The following PKNOX2 variants were observed in gnomAD, a reference collection of about 807,000 sequenced individuals.
PKNOX2 encodes the protein homeobox protein PKNOX2.
In PKNOX2, 14 loss-of-function variants were observed where a neutral mutation model predicts 53.1. That is an observed-to-expected ratio of 0.26 (90% CI 0.17 to 0.41). The LOEUF (loss-of-function observed/expected upper bound fraction) is 0.41. Among genes scored for constraint, PKNOX2 ranks in the 10% least tolerant of loss-of-function variants. PKNOX2 has a pLI of 1.00. For missense variants in PKNOX2, 496 were observed against 602.8 expected (o/e 0.82, Z 1.85); for synonymous variants, 257 against 242.8 (o/e 1.06, Z -0.54).
rs982686469 is a variant in PKNOX2, at chr11:125,432,043, A to T, written c.*651A>T. On this transcript the variant is annotated 3_prime_UTR_variant, in exon 13 of 13. Transcript: ENST00000298282. Reference sequence around the variant, plus strand: ...CATGGACATGGGAGAAAGGGATGGGAGCCACAGTGCCCTTCACTCTCTCCT... The same window carrying T: ...CATGGACATGGGAGAAAGGGATGGGTGCCACAGTGCCCTTCACTCTCTCCT... 6.6e-6 allele frequency: 1 copy of T among 152,606 alleles called. No individual in the cohort carries two copies. Among genetic ancestry groups the T allele is most frequent in the Non-Finnish European group, 1.5e-5 (1 of 68,364 alleles). 9.5% of individuals were successfully genotyped at this position (152,606 alleles called of 1,614,324 possible). A position where few individuals can be genotyped will look rare whatever the true frequency, so the allele number is the denominator to read the frequency against.
chr11:125,404,952 C>T (rs1188563626), intron 7 of PKNOX2, among the ~76,000 whole-genome samples: 2 of 152,194 alleles, frequency 1.3e-5, no homozygotes, highest in Admixed American at 1.3e-4. Flanking sequence ...TCAGAACCGA[C>T]CCCCACCCGC....
intron 2 of PKNOX2, among the ~76,000 whole-genome samples, chr11:125,324,355 G>C (rs145994576): frequency 1.6e-4 from 24 of 152,254 alleles, no homozygotes; most frequent in African/African-American, 5.8e-4. Context: ...ATGGTTCTTC[G>C]TAAAGGAGAT....
intron 1 of PKNOX2, among the ~76,000 whole-genome samples, chr11:125,224,490 C>T (rs749823640): frequency 2.0e-5 from 3 of 152,192 alleles, no homozygotes; most frequent in Non-Finnish European, 4.4e-5. Context: ...CCTGGGAGGC[C>T]GAGGCCTGTG....
At chr11:125,359,569 C>T (rs966105547) in intron 4 of PKNOX2, among the ~76,000 whole-genome samples, 2 of 152,200 alleles carry the variant, frequency 1.3e-5, no homozygotes, top group Admixed American at 6.5e-5. Context: ...TCCCCTGTTG[C>T]CTCCTACCTA....
intron 1 of PKNOX2, among the ~76,000 whole-genome samples, chr11:125,174,382 C>T (rs1441158521): frequency 6.6e-6 from 1 of 152,224 alleles, no homozygotes; most frequent in Non-Finnish European, 1.5e-5. Context: ...AAACAAAACG[C>T]ATGTGAAATT....
chr11:125,247,705 C>T (rs1943667031), intron 2 of PKNOX2, among the ~76,000 whole-genome samples: 2 of 152,160 alleles, frequency 1.3e-5, no homozygotes, highest in East Asian at 1.9e-4. Context: ...GTCTGAGAGC[C>T]CTTCCATGTC....
chr11:125,349,492 G>GC (rs1951181125), intron 3 of PKNOX2, among the ~76,000 whole-genome samples: 1 of 152,208 alleles, frequency 6.6e-6, no homozygotes, highest in South Asian at 2.1e-4. Flanking sequence ...AGGAGGCCAG[G>GC]CGGGGGCGAG....
chr11:125,248,918 CAT>C lies in PKNOX2; in HGVS notation c.-130+13809_-130+13810del, dbSNP rs1018928328. Among the ~76,000 whole-genome samples, 47 of 117,494 alleles carry C rather than the reference CAT, an allele frequency of 4.0e-4. 1 individual carries two copies. The highest frequency in any genetic ancestry group is 6.9e-3 in the Middle Eastern group (2 of 290). The allele number at this position is 117,494 out of a possible 152,430, so 77.1% of individuals were successfully genotyped here. A position where few individuals can be genotyped will look rare whatever the true frequency, so the allele number is the denominator to read the frequency against. On this transcript the variant is annotated intron_variant, in intron 2 of 12. Coordinates refer to ENST00000298282, the MANE Select transcript of PKNOX2 (RefSeq NM_001382323.2). ...TAATATATATAACGTATATATATAA[CAT>C]ATATAATATACATTATATAACGTAT... is the stretch of plus-strand genomic sequence containing the variant.
Position 125,189,457 on chromosome 11 carries a change from A to G in PKNOX2, c.-201+24681A>G, listed in dbSNP as rs1489015202. Among the ~76,000 whole-genome samples, 229 of 87,304 alleles carry G rather than the reference A, an allele frequency of 2.6e-3. 1 individual carries two copies. Among genetic ancestry groups the G allele is most frequent in the African/African-American group, 0.012 (212 of 17,540 alleles). 57.3% of individuals were successfully genotyped at this position (87,304 alleles called of 152,430 possible). The stretch of plus-strand genomic sequence containing the variant: ...TGTGTGTGTGTGTGTGTATATATAT[A>G]TATATATATATATATATATATATAT... On this transcript the variant is annotated intron_variant, in intron 1 of 12. Coordinates refer to ENST00000298282, the MANE Select transcript of PKNOX2 (RefSeq NM_001382323.2).
In PKNOX2 at chr11:125,410,295, A is replaced by G. The variant is rs769855056; in HGVS notation, c.688A>G (p.Met230Val). 6.2e-7 allele frequency: 1 copy of G among 1,614,088 alleles called. No homozygotes were observed. The highest frequency in any genetic ancestry group is 1.1e-5 in the South Asian group (1 of 91,084). ...ASALQQGNIA[M>V]TTVNSQVVSG... ...AGCGCTCCAGCAGGGCAACATCGCCATGACAACCGTCAACTCACAAGTTGT... is the reference window on the plus strand; with the variant it reads ...AGCGCTCCAGCAGGGCAACATCGCCGTGACAACCGTCAACTCACAAGTTGT... Residue 230 changes from methionine to valine, a missense_variant, in exon 8 of 13, where the codon ATG (methionine) becomes GTG (valine). Physicochemically the swap from Met to Val is conservative, Grantham distance 21 (BLOSUM62 1). Around this residue, in one of 5 missense-constraint regions of PKNOX2, gnomAD observed 141 missense variants for 143.9 expected, o/e 0.98. Coordinates refer to ENST00000298282, the MANE Select transcript of PKNOX2 (RefSeq NM_001382323.2).
chr11:125,339,643 C>T (rs1950585581), intron 3 of PKNOX2, among the ~76,000 whole-genome samples: 1 of 152,202 alleles, frequency 6.6e-6, no homozygotes, highest in Non-Finnish European at 1.5e-5. Context: ...CCCAGCAGGG[C>T]CCCTCAGTCC....
rs190823322 is a variant in PKNOX2 at position 125,395,833 on chromosome 11, G to A, written c.400-2041G>A. On this transcript the variant is annotated intron_variant, in intron 6 of 12. Transcript: ENST00000298282. Reference sequence around the variant, plus strand: ...TATATATCCTAGATACAAGTCCTTTGTCAGGTACTTGGTTTGCAAATATTC... The same window carrying A: ...TATATATCCTAGATACAAGTCCTTTATCAGGTACTTGGTTTGCAAATATTC... 3.3e-5 allele frequency among the ~76,000 whole-genome samples: 5 copies of A among 151,874 alleles called. No homozygotes were observed. In the East Asian group the frequency reaches 5.8e-4, roughly 18 times the overall value.
intron 2 of PKNOX2, among the ~76,000 whole-genome samples, chr11:125,252,668 G>A (rs1222201684): frequency 6.6e-6 from 1 of 152,106 alleles, no homozygotes; most frequent in African/African-American, 2.4e-5. Context: ...CTGAAAACGA[G>A]GACAAGGTGT....
At chr11:125,296,048 C>T (rs1454050992) in intron 2 of PKNOX2, among the ~76,000 whole-genome samples, 2 of 152,132 alleles carry the variant, frequency 1.3e-5, no homozygotes, top group Non-Finnish European at 2.9e-5. Context: ...CTCTCCACCC[C>T]TGGTGTCTTC....
chr11:125,304,774 T>C (rs1948317775), intron 2 of PKNOX2, among the ~76,000 whole-genome samples: 1 of 152,220 alleles, frequency 6.6e-6, no homozygotes, highest in Non-Finnish European at 1.5e-5. Context: ...TGGGCATTCA[T>C]TTATTCACTA....
chr11:125,238,769 T>C (rs1030220973), intron 2 of PKNOX2, among the ~76,000 whole-genome samples: 1 of 152,228 alleles, frequency 6.6e-6, no homozygotes, highest in South Asian at 2.1e-4. Context: ...GAAACTAACA[T>C]TTAATTTGGG....
intron 7 of PKNOX2, among the ~76,000 whole-genome samples, chr11:125,401,367 C>T (rs946456586): frequency 3.3e-5 from 5 of 152,138 alleles, no homozygotes; most frequent in African/African-American, 7.2e-5. Flanking sequence ...AGCCAGGGTA[C>T]GAGGAGGCGG....
At chr11:125,172,191 C>A (rs1221585377) in intron 1 of PKNOX2, among the ~76,000 whole-genome samples, 1 of 152,188 alleles carries the variant, frequency 6.6e-6, no homozygotes, top group Non-Finnish European at 1.5e-5. Flanking sequence ...CTACCTATCC[C>A]AGGTGGCCAG....
intron 2 of PKNOX2, among the ~76,000 whole-genome samples, chr11:125,294,318 G>C (rs1291367611): frequency 6.6e-6 from 1 of 152,162 alleles, no homozygotes; most frequent in Non-Finnish European, 1.5e-5. Context: ...CCATCTTATG[G>C]AGCTTGGCGA....
Sources: gnomAD v4.1 joint callset for allele counts (sites outside exome capture counted in the v4.1 genomes callset) on GRCh38, gnomAD v4.1.1 for gene constraint, gnomAD v4.1.1 regional missense constraint, MANE v1.5 for transcripts, NCBI Gene and HGNC (gene_info 2026-07-23, HGNC 2026-07-21) for gene names.